Variants in LAMA1 observed in about 807,000 individuals in gnomAD.
The protein encoded by LAMA1 is laminin subunit alpha-1.
Under a neutral mutation model 348.7 loss-of-function variants are expected in LAMA1, and 219 were observed. The observed-to-expected ratio is 0.63, with a 90% confidence interval of 0.56 to 0.70. LAMA1 has a LOEUF of 0.70. LAMA1 is among the 30% of genes least tolerant of loss of function. LAMA1 has a pLI of 0.00. For synonymous variants in LAMA1, 1,487 were observed against 1,491.0 expected, an observed-to-expected ratio of 1.00 and a Z score of 0.06; for missense variants, 3,744 against 3,888.0, an observed-to-expected ratio of 0.96 and a Z score of 0.99.
chr18:7,017,376 AT>A lies in LAMA1; in HGVS notation c.2709del (p.Glu903AspfsTer4). 1 of 1,613,276 alleles carries A rather than the reference AT, an allele frequency of 6.2e-7. No individual in the cohort carries two copies. Among genetic ancestry groups the A allele is most frequent in the Non-Finnish European group, 8.5e-7 (1 of 1,179,442 alleles). ...GCAGAATGGGAGCCTTTCACATGGC[AT>A]TCACAGGCTAAACACATGCACACAA... ...AVTAKNCRACECHVKGSHSAV... is the reference protein window; with the variant it reads ...AVTAKNCRACXCHVKGSHSAV... On this transcript the variant is annotated frameshift_variant, in exon 20 of 63. Coordinates refer to ENST00000389658, the MANE Select transcript of LAMA1 (RefSeq NM_005559.4). LOFTEE classifies it high-confidence loss of function.
At chr18:6,965,911 A>G in intron 49 of LAMA1, 1 of 533,696 alleles carries the variant, frequency 1.9e-6, no homozygotes, top group Non-Finnish European at 3.3e-6. Flanking sequence ...CTAGAAGGCT[A>G]GTTTCTACTT....
intron 19 of LAMA1, among the ~76,000 whole-genome samples, chr18:7,022,443 G>A (rs1224062392): frequency 3.3e-5 from 5 of 152,208 alleles, no homozygotes; most frequent in African/African-American, 9.7e-5. Context: ...ATCTCTCCAC[G>A]TGTGCCTGGG....
intron 1 of LAMA1, among the ~76,000 whole-genome samples, chr18:7,114,964 C>A (rs2058349976): frequency 6.6e-6 from 1 of 152,002 alleles, no homozygotes; most frequent in Non-Finnish European, 1.5e-5. Flanking sequence ...CTCAATCATG[C>A]TAGATTAACT....
intron 3 of LAMA1, among the ~76,000 whole-genome samples, chr18:7,061,187 T>C (rs2058100770): frequency 6.6e-6 from 1 of 152,152 alleles, no homozygotes. Flanking sequence ...TTGAACTGCT[T>C]TATCTAAGAA....
intron 36 of LAMA1, among the ~76,000 whole-genome samples, chr18:6,990,682 G>A (rs1330523815): frequency 6.6e-6 from 1 of 152,140 alleles, no homozygotes; most frequent in African/African-American, 2.4e-5. Flanking sequence ...CTTGTTCAAT[G>A]GCTCTCCACC....
At position 6,965,437 on chromosome 18, in the gene LAMA1, A is replaced by G; in HGVS notation, c.7051-5T>C. ...CTCGATGGATAAAAAGTCTTTCTGT[A>G]AAAAAGAGAACACAGTTCCCCAGGT... On this transcript the variant is annotated splice_region_variant and splice_polypyrimidine_tract_variant and intron_variant, in intron 49 of 62. Coordinates refer to ENST00000389658, the MANE Select transcript of LAMA1 (RefSeq NM_005559.4). The G allele has an allele frequency of 6.2e-7, 1 of 1,614,094 alleles. No homozygotes were observed. The highest frequency in any genetic ancestry group is 8.5e-7 in the Non-Finnish European group (1 of 1,179,970).
chr18:7,108,640 C>CAAAAAAAA lies in LAMA1; in HGVS notation c.61+9012_61+9019dup, dbSNP rs58802341. On this transcript the variant is annotated intron_variant, in intron 1 of 62. Transcript: ENST00000389658. ...CACTGCACTGAGACAGACTCTGTCT[C>CAAAAAAAA]AAAAAAAAAAAAAAAAAAAAAAAAA... Among the ~76,000 whole-genome samples, 27 of 40,234 alleles carry CAAAAAAAA rather than the reference C, an allele frequency of 6.7e-4. 3 individuals carry two copies. Among genetic ancestry groups the CAAAAAAAA allele is most frequent in the East Asian group, 3.0e-3 (2 of 668 alleles). 26.4% of individuals were successfully genotyped at this position (40,234 alleles called of 152,430 possible). A position where few individuals can be genotyped will look rare whatever the true frequency, so the allele number is the denominator to read the frequency against.
intron 1 of LAMA1, among the ~76,000 whole-genome samples, chr18:7,113,889 A>C (rs539730480): frequency 1.1e-3 from 161 of 152,194 alleles, no homozygotes; most frequent in African/African-American, 3.8e-3. Context: ...ATCCTGGCTA[A>C]CATGGTGAAA....
chr18:6,979,892 C>CT lies in LAMA1; in HGVS notation c.6007+628dup, dbSNP rs141462705. 4.6e-5 allele frequency among the ~76,000 whole-genome samples: 7 copies of CT among 152,296 alleles called. No individual in the cohort carries two copies. In the East Asian group the frequency reaches 1.4e-3, roughly 29 times the overall value. On this transcript the variant is annotated intron_variant, in intron 42 of 62. Coordinates refer to ENST00000389658, the MANE Select transcript of LAMA1 (RefSeq NM_005559.4). The stretch of plus-strand genomic sequence containing the variant: ...CCAGCCTGGGCGACAGAGCGAGACT[C>CT]TGTCTCAAAAAATGTGTGCTGCTAG...
intron 3 of LAMA1, among the ~76,000 whole-genome samples, chr18:7,052,776 C>T (rs973432342): frequency 6.6e-6 from 1 of 150,886 alleles, no homozygotes; most frequent in Non-Finnish European, 1.5e-5. Flanking sequence ...GTAATCCCAG[C>T]ACTTTGGGAG....
intron 32 of LAMA1, among the ~76,000 whole-genome samples, chr18:6,998,285 G>C (rs968568657): frequency 2.0e-5 from 3 of 152,152 alleles, no homozygotes; most frequent in African/African-American, 7.2e-5. Flanking sequence ...CTGACGAAAA[G>C]AACTTTATTG....
Position 6,959,430 on chromosome 18 carries a change from C to A in LAMA1, c.7689G>T (p.Gly2563=). The change falls in exon 54 of 63, where the codon GGG becomes GGT. Residue 2563 remains glycine (G), a synonymous_variant. Coordinates refer to ENST00000389658, the MANE Select transcript of LAMA1 (RefSeq NM_005559.4). ...GCAGGAGAGCTTTTCTCAGGCCTGTCCCATCCCCAGGATTGACATGTACCT... is the reference window on the plus strand; with the variant it reads ...GCAGGAGAGCTTTTCTCAGGCCTGTACCATCCCCAGGATTGACATGTACCT... ...NIEVHVNPGD[G]TGLRKALLHA... 1 of 1,614,156 alleles carries A rather than the reference C, an allele frequency of 6.2e-7. No homozygotes were observed. Among genetic ancestry groups the A allele is most frequent in the Non-Finnish European group, 8.5e-7 (1 of 1,180,026 alleles).
intron 3 of LAMA1, among the ~76,000 whole-genome samples, chr18:7,078,229 T>A (rs1464998732): frequency 1.3e-5 from 2 of 150,310 alleles, no homozygotes; most frequent in Non-Finnish European, 3.0e-5. Flanking sequence ...TGCAGTGGTG[T>A]GATCTCGGCT....
rs1036266883 is a variant in LAMA1, at chr18:6,955,139, G to C, written c.8207+214C>G. 2.0e-5 allele frequency: 12 copies of C among 587,514 alleles called. No homozygotes were observed. In the African/African-American group the frequency reaches 2.0e-4, roughly 10 times the overall value. 36.4% of individuals were successfully genotyped at this position (587,514 alleles called of 1,614,324 possible). ...GGGAAGCCAGCCACTCTCCAGAAGG[G>C]AAAAGGCAGAAACCACAGACTCCCC... On this transcript the variant is annotated intron_variant, in intron 57 of 62. Coordinates refer to ENST00000389658, the MANE Select transcript of LAMA1 (RefSeq NM_005559.4).
intron 54 of LAMA1, 69 bp from the exon 55 acceptor site, chr18:6,958,731 C>A: frequency 3.0e-6 from 4 of 1,332,062 alleles, no homozygotes; most frequent in Non-Finnish European, 4.3e-6. Context: ...CATTTTAGTC[C>A]ATAATTCCCA....
intron 8 of LAMA1, 163 bp from the exon 9 acceptor site, chr18:7,042,413 G>A (rs1325607993): frequency 6.6e-6 from 4 of 608,890 alleles, no homozygotes; most frequent in African/African-American, 5.6e-5. Context: ...ATGATCCCAA[G>A]CCAGGAAGCC....
chr18:7,095,719 G>A (rs1041067890), intron 1 of LAMA1, among the ~76,000 whole-genome samples: 6 of 152,212 alleles, frequency 3.9e-5, no homozygotes, highest in Non-Finnish European at 7.3e-5. Context: ...ACTCAAACTG[G>A]AGACATTAAC....
At chr18:7,023,923 C>G (rs1233006420) in intron 18 of LAMA1, among the ~76,000 whole-genome samples, 1 of 152,202 alleles carries the variant, frequency 6.6e-6, no homozygotes, top group African/African-American at 2.4e-5. Flanking sequence ...ACTGCAACCT[C>G]CACCTCCCAG....
chr18:7,093,018 A>G (rs1253725817), intron 1 of LAMA1, among the ~76,000 whole-genome samples: 1 of 152,234 alleles, frequency 6.6e-6, no homozygotes, highest in African/African-American at 2.4e-5. Context: ...CGCAAGCAAC[A>G]TAAAGTATAC....
Sources: allele counts gnomAD v4.1 joint callset (sites outside exome capture counted in the v4.1 genomes callset), GRCh38; gene constraint gnomAD v4.1.1; transcripts MANE v1.5; gene names NCBI Gene and HGNC (gene_info 2026-07-23, HGNC 2026-07-21).